Variants in JAZF1 observed in about 807,000 individuals in gnomAD.
JAZF1 encodes juxtaposed with another zinc finger protein 1.
In JAZF1, 8 loss-of-function variants were observed where a neutral mutation model predicts 26.4. That is an observed-to-expected ratio of 0.30 (90% CI 0.18 to 0.55). JAZF1 has a LOEUF of 0.55. Ranked by LOEUF, JAZF1 falls within the 20% of genes least tolerant of loss-of-function variation. JAZF1 has a pLI of 0.94. For missense variants in JAZF1, 199 were observed against 322.0 expected (o/e 0.62, Z 2.92); for synonymous variants, 126 against 122.3 (o/e 1.03, Z -0.20).
chr7:28,030,828 C>T (rs1333660087), intron 1 of JAZF1, among the ~76,000 whole-genome samples: 1 of 151,948 alleles, frequency 6.6e-6, no homozygotes, highest in African/African-American at 2.4e-5. Flanking sequence ...TTGGTCTTGC[C>T]CAAAAGTATT....
At chr7:27,876,199 C>T (rs1459028837) in intron 3 of JAZF1, among the ~76,000 whole-genome samples, 1 of 152,244 alleles carries the variant, frequency 6.6e-6, no homozygotes, top group Non-Finnish European at 1.5e-5. Flanking sequence ...CCTCTAATGC[C>T]TCTGGCCAAG....
chr7:28,095,528 G>A (rs538810846), intron 1 of JAZF1, among the ~76,000 whole-genome samples: 1 of 152,220 alleles, frequency 6.6e-6, no homozygotes, highest in East Asian at 1.9e-4. Context: ...CCTACAGCTG[G>A]TCTCTCCTTT....
chr7:28,010,904 C>T (rs1470505560), intron 1 of JAZF1, among the ~76,000 whole-genome samples: 1 of 152,152 alleles, frequency 6.6e-6, no homozygotes, highest in African/African-American at 2.4e-5. Context: ...GTCTGAATTC[C>T]CATTCTGGGG....
intron 1 of JAZF1, among the ~76,000 whole-genome samples, chr7:28,016,693 T>C (rs1157807952): frequency 6.6e-6 from 1 of 152,218 alleles, no homozygotes; most frequent in Non-Finnish European, 1.5e-5. Flanking sequence ...CATTTTTGAC[T>C]GCTCTCCCTC....
At chr7:28,052,391 A>G (rs1783631025) in intron 1 of JAZF1, among the ~76,000 whole-genome samples, 1 of 152,200 alleles carries the variant, frequency 6.6e-6, no homozygotes, top group South Asian at 2.1e-4. Context: ...TCAGTTTGCT[A>G]ATTTGATAAT....
intron 1 of JAZF1, among the ~76,000 whole-genome samples, chr7:28,121,348 T>C (rs1782601956): frequency 6.6e-6 from 1 of 152,132 alleles, no homozygotes; most frequent in Admixed American, 6.6e-5. Flanking sequence ...AGAATGGGAC[T>C]ACAATTAAAA....
intron 1 of JAZF1, among the ~76,000 whole-genome samples, chr7:28,011,134 C>T (rs1480942311): frequency 6.6e-6 from 1 of 152,038 alleles, no homozygotes; most frequent in Non-Finnish European, 1.5e-5. Flanking sequence ...CCAATTTTAG[C>T]GGGCAAAATA....
chr7:27,937,928 T>C (rs1784782964), intron 2 of JAZF1, among the ~76,000 whole-genome samples: 1 of 152,220 alleles, frequency 6.6e-6, no homozygotes, highest in Admixed American at 6.5e-5. Context: ...CATTTTTTGG[T>C]GCATTTTCTT....
chr7:27,911,822 G>A (rs1421785438), intron 2 of JAZF1, among the ~76,000 whole-genome samples: 1 of 152,162 alleles, frequency 6.6e-6, no homozygotes, highest in Non-Finnish European at 1.5e-5. Context: ...CAAAGGTTGA[G>A]AAGAGAAACT....
chr7:27,898,275 T>C (rs1424427268), intron 2 of JAZF1, among the ~76,000 whole-genome samples: 1 of 115,054 alleles, frequency 8.7e-6, no homozygotes, highest in Non-Finnish European at 1.8e-5. Flanking sequence ...AAGGCTTCTC[T>C]ACGTCTAACT....
intron 1 of JAZF1, among the ~76,000 whole-genome samples, chr7:28,046,495 T>C (rs995615523): frequency 1.3e-5 from 2 of 152,220 alleles, no homozygotes; most frequent in African/African-American, 2.4e-5. Flanking sequence ...CTATTATAAA[T>C]ATCATTATGA....
chr7:28,092,885 GA>G (rs903911202), intron 1 of JAZF1, among the ~76,000 whole-genome samples: 3 of 150,962 alleles, frequency 2.0e-5, no homozygotes, highest in African/African-American at 7.3e-5. Context: ...AGAAAGAAAA[GA>G]AAAAAAGGAA....
Position 27,834,510 on chromosome 7 carries a change from C to G in JAZF1, c.556-1534G>C, listed in dbSNP as rs374709715. Among the ~76,000 whole-genome samples the G allele has an allele frequency of 5.3e-5, 8 of 152,248 alleles. No homozygotes were observed. The East Asian group carries it at 9.6e-4, about 18-fold the overall frequency. ...ACCTGGCTCCAGGCCTTCTGCACCTCAGCCCTGTCCTTCCAGCATCAATCC... is the reference window on the plus strand; with the variant it reads ...ACCTGGCTCCAGGCCTTCTGCACCTGAGCCCTGTCCTTCCAGCATCAATCC... On this transcript the variant is annotated intron_variant, in intron 4 of 4. Transcript: ENST00000283928.
intron 2 of JAZF1, among the ~76,000 whole-genome samples, chr7:27,951,138 G>C (rs890177741): frequency 6.6e-6 from 1 of 152,126 alleles, no homozygotes; most frequent in Non-Finnish European, 1.5e-5. Flanking sequence ...TTAGCTCAGT[G>C]CCTGGCCCAT....
chr7:27,924,205 G>A (rs558113079), intron 2 of JAZF1, among the ~76,000 whole-genome samples: 4 of 152,148 alleles, frequency 2.6e-5, no homozygotes, highest in Non-Finnish European at 5.9e-5. Context: ...AGCCTCCCGA[G>A]CAGCTGGAAT....
chr7:27,841,424 A>C (rs1782919320), intron 3 of JAZF1: 1 of 152,646 alleles, frequency 6.6e-6, no homozygotes, highest in African/African-American at 2.4e-5. Flanking sequence ...TGGAACTAAA[A>C]GAGGGTTACC....
chr7:27,893,502 G>C (rs1236973180), intron 3 of JAZF1, among the ~76,000 whole-genome samples: 1 of 152,128 alleles, frequency 6.6e-6, no homozygotes, highest in Non-Finnish European at 1.5e-5. Context: ...GACCTGCCAG[G>C]CTGTCCCCCT....
chr7:28,032,655 A>G (rs1332968933), intron 1 of JAZF1, among the ~76,000 whole-genome samples: 1 of 152,170 alleles, frequency 6.6e-6, no homozygotes, highest in Non-Finnish European at 1.5e-5. Context: ...TTAGAATATG[A>G]GGCAGGGCTA....
In JAZF1 at chr7:28,180,764, C is replaced by T; in HGVS notation, c.-187G>A. 4.0e-6 allele frequency: 1 copy of T among 250,414 alleles called. No homozygotes were observed. The highest frequency in any genetic ancestry group is 7.4e-6 in the Non-Finnish European group (1 of 135,990). 15.5% of individuals were successfully genotyped at this position (250,414 alleles called of 1,614,324 possible). On this transcript the variant is annotated 5_prime_UTR_variant, in exon 1 of 5. The change creates a new upstream start codon in the 5' untranslated region. Coordinates refer to ENST00000283928, the MANE Select transcript of JAZF1 (RefSeq NM_175061.4). ...GAGATGGAAGGAGAGCGAGGAGCCA[C>T]CGGGAGGCAGAGGGGAGGCGGCGGC... is the stretch of plus-strand genomic sequence containing the variant.
Sources: gnomAD v4.1 joint callset for allele counts (sites outside exome capture counted in the v4.1 genomes callset) on GRCh38, gnomAD v4.1.1 for gene constraint, MANE v1.5 for transcripts, NCBI Gene and HGNC (gene_info 2026-07-23, HGNC 2026-07-21) for gene names.